The following NBAS variants were observed in gnomAD, a reference collection of about 807,000 sequenced individuals.
NBAS encodes the protein NBAS subunit of NRZ tethering complex.
NBAS carries 219 observed loss-of-function variants against 302.5 expected under a neutral mutation model. The observed-to-expected ratio is 0.72, with a 90% CI of 0.65 to 0.81. The LOEUF (loss-of-function observed/expected upper bound fraction) is 0.81. NBAS is among the 30% of genes least tolerant of loss of function. The pLI, the probability that NBAS is intolerant of heterozygous loss-of-function variation, is 0.00. For synonymous variants in NBAS, 1,118 were observed against 1,021.6 expected (o/e 1.09, Z -1.80); for missense variants, 2,932 against 2,841.6 (o/e 1.03, Z -0.72).
chr2:15,278,676 C>T (rs1206559968), intron 42 of NBAS, among the ~76,000 whole-genome samples: 1 of 152,128 alleles, frequency 6.6e-6, no homozygotes, highest in Non-Finnish European at 1.5e-5. Context: ...CATAGAGCTC[C>T]CATCCAAATT....
intron 9 of NBAS, among the ~76,000 whole-genome samples, chr2:15,514,670 T>C (rs1451214328): frequency 2.0e-5 from 3 of 151,118 alleles, no homozygotes; most frequent in Non-Finnish European, 4.4e-5. Context: ...ACATATAATA[T>C]AGTAAACATT....
At chr2:15,388,168 C>T (rs1193514298) in intron 28 of NBAS, among the ~76,000 whole-genome samples, 1 of 152,146 alleles carries the variant, frequency 6.6e-6, no homozygotes, top group Non-Finnish European at 1.5e-5. Flanking sequence ...TCCATTTCTT[C>T]AGATCTTTAA....
chr2:15,079,314 A>T, the NBAS span, among the ~76,000 whole-genome samples: 1 of 152,074 alleles, frequency 6.6e-6, no homozygotes, highest in Non-Finnish European at 1.5e-5. Context: ...AACTATTCTC[A>T]GCCTCAGTTT....
intron 9 of NBAS, among the ~76,000 whole-genome samples, chr2:15,528,527 T>C (rs74573661): frequency 5.6e-3 from 133 of 23,842 alleles, no homozygotes; most frequent in Non-Finnish European, 0.015. Context: ...CACACACACA[T>C]AGAACATGCA....
At chr2:15,237,267 T>C (rs997855804) in intron 45 of NBAS, among the ~76,000 whole-genome samples, 1 of 152,086 alleles carries the variant, frequency 6.6e-6, no homozygotes, top group Non-Finnish European at 1.5e-5. Flanking sequence ...CTAAGGGCCT[T>C]AGAGAGCTTC....
the NBAS span, among the ~76,000 whole-genome samples, chr2:14,894,275 C>T: frequency 1.3e-5 from 2 of 152,110 alleles, no homozygotes; most frequent in Non-Finnish European, 2.9e-5. Context: ...AGGCAGGAGG[C>T]AGAGGCTTCC....
chr2:15,313,806 G>A lies in NBAS; in HGVS notation c.4583-4559C>T, dbSNP rs150971946. Among the ~76,000 whole-genome samples the A allele has an allele frequency of 1.2e-4, 19 of 152,296 alleles. No individual in the cohort carries two copies. In the East Asian group the frequency reaches 3.1e-3, roughly 25 times the overall value. ...ACCACCCAAGCCAGCTGGAGAATGT[G>A]CAAAATTATTTTGACCAGTTAAAGA... On this transcript the variant is annotated intron_variant, in intron 38 of 51. Transcript: ENST00000281513.
At chr2:15,435,893 C>T (rs75985453) in intron 21 of NBAS, among the ~76,000 whole-genome samples, 2 of 152,114 alleles carry the variant, frequency 1.3e-5, no homozygotes, top group Non-Finnish European at 2.9e-5. Context: ...GATAAATACC[C>T]CTTTGTGTCC....
chr2:15,007,172 G>A, the NBAS span, among the ~76,000 whole-genome samples: 1 of 152,054 alleles, frequency 6.6e-6, no homozygotes. Context: ...CATAGAATTT[G>A]AACTAATTTT....
intron 5 of NBAS, among the ~76,000 whole-genome samples, chr2:15,552,371 T>C (rs1388405638): frequency 1.3e-5 from 2 of 152,210 alleles, no homozygotes; most frequent in Non-Finnish European, 2.9e-5. Flanking sequence ...TCCATGTCTA[T>C]GTGGATTTTC....
intron 51 of NBAS, among the ~76,000 whole-genome samples, chr2:15,172,346 C>G (rs112299920): frequency 4.1e-4 from 63 of 152,260 alleles, no homozygotes; most frequent in African/African-American, 1.5e-3. Flanking sequence ...AACAGCTTCC[C>G]ACTCTTTCAC....
the NBAS span, among the ~76,000 whole-genome samples, chr2:14,988,667 T>C: frequency 6.6e-6 from 1 of 152,080 alleles, no homozygotes; most frequent in Non-Finnish European, 1.5e-5. Flanking sequence ...AAAGAATAAA[T>C]ACAACTGGTA....
intron 48 of NBAS, among the ~76,000 whole-genome samples, chr2:15,202,208 C>T (rs1206111361): frequency 1.3e-5 from 2 of 152,176 alleles, no homozygotes; most frequent in Non-Finnish European, 2.9e-5. Flanking sequence ...TATCTAAACA[C>T]ACAGAATCCA....
rs1463615718 is a variant in NBAS, at chr2:15,538,300, C to A, written c.513+923G>T. 4.7e-5 allele frequency: 21 copies of A among 448,142 alleles called. No individual in the cohort carries two copies. The East Asian group carries it at 1.2e-3, about 25-fold the overall frequency. The allele number at this position is 448,142 out of a possible 1,614,324, so 27.8% of individuals were successfully genotyped here. On this transcript the variant is annotated intron_variant, in intron 7 of 51. Coordinates refer to ENST00000281513, the MANE Select transcript of NBAS (RefSeq NM_015909.4). The stretch of plus-strand genomic sequence containing the variant: ...CAGAAATAGTCTAGAAAATAAGAAT[C>A]CAGACTCCTTATTTTGGCTAAGATT...
intron 22 of NBAS, among the ~76,000 whole-genome samples, chr2:15,425,795 T>C (rs1677442934): frequency 1.3e-5 from 2 of 152,200 alleles, no homozygotes; most frequent in African/African-American, 2.4e-5. Flanking sequence ...GTTCCTCTGA[T>C]ACCTCCTTCA....
the NBAS span, among the ~76,000 whole-genome samples, chr2:14,926,696 C>T: frequency 6.6e-6 from 1 of 152,160 alleles, no homozygotes; most frequent in Non-Finnish European, 1.5e-5. Context: ...TTGCAACCAT[C>T]ACCACTGTCC....
At chr2:15,098,374 T>C in the NBAS span, among the ~76,000 whole-genome samples, 4 of 24,750 alleles carry the variant, frequency 1.6e-4, 1 homozygote, top group Non-Finnish European at 2.4e-4. Flanking sequence ...ATATAATATA[T>C]TATATATGAT....
chr2:15,189,232 CA>C (rs1227709276), intron 49 of NBAS, among the ~76,000 whole-genome samples: 2 of 152,182 alleles, frequency 1.3e-5, no homozygotes, highest in Non-Finnish European at 2.9e-5. Context: ...ATCTAAGAAA[CA>C]TTTCTTTTCT....
chr2:15,377,872 A>G (rs1437029802), intron 30 of NBAS, among the ~76,000 whole-genome samples: 3 of 152,214 alleles, frequency 2.0e-5, no homozygotes, highest in Non-Finnish European at 2.9e-5. Context: ...AACATGCAAA[A>G]TAGTGGGCAA....
Sources: gnomAD v4.1 joint callset for allele counts (sites outside exome capture counted in the v4.1 genomes callset) on GRCh38, gnomAD v4.1.1 for gene constraint, MANE v1.5 for transcripts, NCBI Gene and HGNC (gene_info 2026-07-23, HGNC 2026-07-21) for gene names.